NCKAP5L: variants seen among roughly 807,000 people sequenced by gnomAD.
The protein encoded by NCKAP5L is nck-associated protein 5-like.
NCKAP5L carries 54 observed loss-of-function variants against 103.2 expected under a neutral mutation model. The observed-to-expected ratio is 0.52, with a 90% CI of 0.42 to 0.66. NCKAP5L has a LOEUF of 0.66. Ranked by LOEUF, NCKAP5L falls within the 30% of genes least tolerant of loss-of-function variation. NCKAP5L has a pLI of 0.00. For missense variants in NCKAP5L, 1,733 were observed against 1,750.6 expected (o/e 0.99, Z 0.18); for synonymous variants, 762 against 748.6 (o/e 1.02, Z -0.29).
rs1194279516 is a variant in NCKAP5L at position 49,794,149 on chromosome 12, G to T, written c.3096-253C>A. On this transcript the variant is annotated intron_variant, in intron 8 of 12. Coordinates refer to ENST00000335999, the MANE Select transcript of NCKAP5L (RefSeq NM_001037806.4). ...CTCCCTGAAAGTTATCCAGGGTCAA[G>T]CCTAGAGACTGCTTGATGGTGATTC... 3.3e-5 allele frequency among the ~76,000 whole-genome samples: 5 copies of T among 152,326 alleles called. No homozygotes were observed. In the East Asian group the frequency reaches 7.7e-4, roughly 24 times the overall value.
rs764005376 is a variant in NCKAP5L at position 49,795,362 on chromosome 12, G to A, written c.2498C>T (p.Pro833Leu). Residue 833 changes from proline (P) to leucine (L), a missense_variant, in exon 8 of 13, where the codon CCG becomes CTG. By Grantham distance (98) the Pro-to-Leu change is moderately conservative. Transcript: ENST00000335999. ...CTTGGGGGACTCCTTGGTGACTAGCGGAGCCCCAGGTCGAGGCACCACCTT... is the reference window on the plus strand; with the variant it reads ...CTTGGGGGACTCCTTGGTGACTAGCAGAGCCCCAGGTCGAGGCACCACCTT... Reference protein sequence around the residue: ...PTKVVPRPGAPLVTKESPKPD... With the variant: ...PTKVVPRPGALLVTKESPKPD... The A allele has an allele frequency of 1.6e-5, 25 of 1,548,064 alleles. No individual in the cohort carries two copies. Among genetic ancestry groups the A allele is most frequent in the Admixed American group, 8.5e-5 (4 of 47,032 alleles).
rs1470980911 is a variant in NCKAP5L, at chr12:49,812,897, A to C, written c.-98-6856T>G. Among the ~76,000 whole-genome samples, 7 of 146,130 alleles carry C rather than the reference A, an allele frequency of 4.8e-5. No individual in the cohort carries two copies. The East Asian group carries it at 1.8e-3, about 38-fold the overall frequency. The stretch of plus-strand genomic sequence containing the variant: ...AGGACGCTCAAGTCCCTTATATAAA[A>C]AATGGTACAGTATTTGCATAAAACC... On this transcript the variant is annotated intron_variant, in intron 1 of 12. Transcript: ENST00000335999.
At chr12:49,794,630 C>A in intron 8 of NCKAP5L, 135 bp downstream of exon 8, 2 of 555,340 alleles carry the variant, frequency 3.6e-6, no homozygotes, top group Non-Finnish European at 2.7e-6. Flanking sequence ...GCTTTGGTGG[C>A]CTTCTATCCC....
intron 1 of NCKAP5L, among the ~76,000 whole-genome samples, chr12:49,820,441 C>T (rs1016767154): frequency 6.6e-6 from 1 of 152,074 alleles, no homozygotes; most frequent in Non-Finnish European, 1.5e-5. Context: ...CTCAGCCTCC[C>T]GAGTAGCTGG....
chr12:49,797,594 GTTC>G lies in NCKAP5L; in HGVS notation c.466-203_466-201del, dbSNP rs1407260915. 2.0e-5 allele frequency among the ~76,000 whole-genome samples: 3 copies of G among 152,188 alleles called. No individual in the cohort carries two copies. Among genetic ancestry groups the G allele is most frequent in the African/African-American group, 7.2e-5 (3 of 41,448 alleles). ...GGGTTGCTCAACACTGGTTACCCCA[GTTC>G]TTCTTCCTGGCACACTTGGGGTTGG... On this transcript the variant is annotated intron_variant, in intron 7 of 12. Coordinates refer to ENST00000335999, the MANE Select transcript of NCKAP5L (RefSeq NM_001037806.4). This position sits in a 1 kb window ranked among gnomAD's most constrained non-coding sequence, Gnocchi z 4.5.
chr12:49,791,712 C>G lies in NCKAP5L; in HGVS notation c.*127G>C. 1.3e-6 allele frequency: 1 copy of G among 786,072 alleles called. No individual in the cohort carries two copies. Among genetic ancestry groups the G allele is most frequent in the Non-Finnish European group, 1.9e-6 (1 of 513,652 alleles). 48.7% of individuals were successfully genotyped at this position (786,072 alleles called of 1,614,324 possible). On this transcript the variant is annotated 3_prime_UTR_variant, in exon 13 of 13. Coordinates refer to ENST00000335999, the MANE Select transcript of NCKAP5L (RefSeq NM_001037806.4). ...GGGTGTGCCAGGGACCCCCTTTTCA[C>G]CTTCTTATCCACCTGCCTCCTTGGT...
rs1946083161 is a variant in NCKAP5L at position 49,798,437 on chromosome 12, T to C, written c.378A>G (p.Pro126=). The change falls in exon 7 of 13, where the codon CCA becomes CCG. Residue 126 remains proline, a synonymous_variant. Transcript: ENST00000335999. The stretch of plus-strand genomic sequence containing the variant: ...GGGAGGGGGAGGCTGGTGGCTCTGA[T>C]GGTGGCTGGAGTGGAGTGAGTGGGA... ...PQIPLTPLQP[P]SEPPASPSLS... is the part of the protein sequence containing the mutation. 2.5e-6 allele frequency: 4 copies of C among 1,580,746 alleles called. No individual in the cohort carries two copies. The highest frequency in any genetic ancestry group is 3.4e-6 in the Non-Finnish European group (4 of 1,163,284).
intron 9 of NCKAP5L, 24 bp from the exon 10 acceptor site, chr12:49,793,457 A>G: frequency 6.2e-7 from 1 of 1,605,882 alleles, no homozygotes. Context: ...AGGAGACCTC[A>G]TAGTCCACTC....
intron 6 of NCKAP5L, among the ~76,000 whole-genome samples, chr12:49,800,592 G>A (rs1270209227): frequency 1.3e-5 from 2 of 152,176 alleles, no homozygotes; most frequent in African/African-American, 4.8e-5. Flanking sequence ...GAATCTTCAC[G>A]TCAACTGCAA....
At position 49,797,077 on chromosome 12, in the gene NCKAP5L, C is replaced by T. The variant is rs776992552; in HGVS notation, c.783G>A (p.Leu261=). Residue 261 remains leucine (L), a synonymous_variant, in exon 8 of 13, where the codon TTG becomes TTA. Coordinates refer to ENST00000335999, the MANE Select transcript of NCKAP5L (RefSeq NM_001037806.4). The surrounding 1 kb of genome is among the most constrained non-coding windows in gnomAD (Gnocchi z 4.5). ...TGTCCTCTTCCCCTCCCAGACCCCC[C>T]AAGAGGCGCTCCCAGTGCAGCAGGC... is the stretch of plus-strand genomic sequence containing the variant. The part of the protein sequence containing the change: ...LGGLLHWERL[L]GGLGGEEDTG... 6.3e-7 allele frequency: 1 copy of T among 1,580,032 alleles called. No individual in the cohort carries two copies. Among genetic ancestry groups the T allele is most frequent in the South Asian group, 1.2e-5 (1 of 86,860 alleles).
Position 49,816,086 on chromosome 12 carries a change from C to T in NCKAP5L, c.-98-10045G>A, listed in dbSNP as rs147056305. Among the ~76,000 whole-genome samples, 1,301 of 152,302 alleles carry T rather than the reference C, an allele frequency of 8.5e-3. 10 individuals are homozygous for T. The highest frequency in any genetic ancestry group is 0.017 in the Middle Eastern group (5 of 294). On this transcript the variant is annotated intron_variant, in intron 1 of 12. Coordinates refer to ENST00000335999, the MANE Select transcript of NCKAP5L (RefSeq NM_001037806.4). ...ATTGTTCTGTCTTCTACAAGTGCCT[C>T]CTGCAAGATCAGTATTTCCAAATGC...
intron 1 of NCKAP5L, among the ~76,000 whole-genome samples, chr12:49,824,555 C>T (rs543454248): frequency 1.3e-5 from 2 of 152,370 alleles, no homozygotes; most frequent in East Asian, 3.9e-4. Flanking sequence ...TCCAAGAGGG[C>T]AGAGGACGGT....
At chr12:49,801,416 C>T (rs1263229797) in intron 6 of NCKAP5L, among the ~76,000 whole-genome samples, 2 of 152,158 alleles carry the variant, frequency 1.3e-5, no homozygotes, top group Admixed American at 1.3e-4. Flanking sequence ...GGGCTCCCAG[C>T]AGAGACTGTC....
In NCKAP5L at chr12:49,801,728, G is replaced by A. The variant is rs1946120338; in HGVS notation, c.351+120C>T. The A allele has an allele frequency of 4.8e-6, 6 of 1,261,342 alleles. No homozygotes were observed. In the Admixed American group the frequency reaches 1.3e-4, roughly 27 times the overall value. The allele number at this position is 1,261,342 out of a possible 1,614,324, so 78.1% of individuals were successfully genotyped here. On this transcript the variant is annotated intron_variant, in intron 6 of 12. Transcript: ENST00000335999. ...TGGGTAGTTTCCATACCCCCAGAAT[G>A]GAAGGTGGACAGCTGATGGCCTGCT...
intron 6 of NCKAP5L, among the ~76,000 whole-genome samples, chr12:49,800,591 C>T (rs897967574): frequency 1.2e-4 from 19 of 152,210 alleles, no homozygotes; most frequent in Admixed American, 9.2e-4. Flanking sequence ...TGAATCTTCA[C>T]GTCAACTGCA....
chr12:49,828,336 G>C lies in NCKAP5L; in HGVS notation c.-113C>G, dbSNP rs1360165826. The stretch of plus-strand genomic sequence containing the variant: ...CCAGAACTCACCGAAATCAGGTGTT[G>C]AGCTGGGCCAGGGCAGGCCGGATCC... On this transcript the variant is annotated 5_prime_UTR_variant, in exon 1 of 13. Coordinates refer to ENST00000335999, the MANE Select transcript of NCKAP5L (RefSeq NM_001037806.4). The C allele has an allele frequency of 6.6e-6, 1 of 152,242 alleles. No homozygotes were observed. The highest frequency in any genetic ancestry group is 1.5e-5 in the Non-Finnish European group (1 of 68,112). 9.4% of individuals were successfully genotyped at this position (152,242 alleles called of 1,614,324 possible).
chr12:49,828,362 G>C lies in NCKAP5L; in HGVS notation c.-139C>G, dbSNP rs1671919753. On this transcript the variant is annotated 5_prime_UTR_variant, in exon 1 of 13. Coordinates refer to ENST00000335999, the MANE Select transcript of NCKAP5L (RefSeq NM_001037806.4). Reference sequence around the variant, plus strand: ...AGCTGGGCCAGGGCAGGCCGGATCCGCCAGGTCCATGGCCGCGGCTTGGGG... The same window carrying C: ...AGCTGGGCCAGGGCAGGCCGGATCCCCCAGGTCCATGGCCGCGGCTTGGGG... 1 of 152,540 alleles carries C rather than the reference G, an allele frequency of 6.6e-6. No individual in the cohort carries two copies. Among genetic ancestry groups the C allele is most frequent in the African/African-American group, 2.4e-5 (1 of 41,430 alleles). The allele number at this position is 152,540 out of a possible 1,614,324, so 9.4% of individuals were successfully genotyped here.
chr12:49,800,720 C>T (rs1161852760), intron 6 of NCKAP5L, among the ~76,000 whole-genome samples: 1 of 152,206 alleles, frequency 6.6e-6, no homozygotes, highest in African/African-American at 2.4e-5. Flanking sequence ...CAAGTTTATC[C>T]GAGGCCAAGC....
intron 1 of NCKAP5L, among the ~76,000 whole-genome samples, chr12:49,819,873 T>C (rs1592762345): frequency 6.6e-6 from 1 of 152,176 alleles, no homozygotes; most frequent in Admixed American, 6.5e-5. Flanking sequence ...GGGGTTTACA[T>C]ACAACCAAAA....
Sources: allele counts gnomAD v4.1 joint callset (sites outside exome capture counted in the v4.1 genomes callset), GRCh38; gene constraint gnomAD v4.1.1; non-coding constraint Gnocchi (gnomAD v3.1); transcripts MANE v1.5; gene names NCBI Gene and HGNC (gene_info 2026-07-23, HGNC 2026-07-21).